Variants in TLL2 observed in about 807,000 individuals in gnomAD.
TLL2 encodes the protein tolloid like 2.
In TLL2, 106 loss-of-function variants were observed where a neutral mutation model predicts 123.0. The ratio of observed to expected loss-of-function variants is 0.86; its 90% CI spans 0.74 to 1.01. The LOEUF is 1.01. Ranked by LOEUF, TLL2 falls within the 50% of genes least tolerant of loss-of-function variation. TLL2 has a pLI of 0.00. For synonymous variants in TLL2, 494 were observed against 516.8 expected, an observed-to-expected ratio of 0.96 and a Z score of 0.60; for missense variants, 1,332 against 1,336.7, an observed-to-expected ratio of 1.00 and a Z score of 0.06.
chr10:96,372,948 C>T (rs1171566991), intron 19 of TLL2, among the ~76,000 whole-genome samples: 1 of 152,116 alleles, frequency 6.6e-6, no homozygotes, highest in East Asian at 1.9e-4. Context: ...ACTCAGCCTC[C>T]CAAAGTTCTG....
At chr10:96,392,119 T>C (rs950427993) in intron 13 of TLL2, among the ~76,000 whole-genome samples, 1 of 151,996 alleles carries the variant, frequency 6.6e-6, no homozygotes, top group Non-Finnish European at 1.5e-5. Flanking sequence ...CACCAACACA[T>C]AGACTGATGA....
At chr10:96,410,214 C>CCAT in intron 9 of TLL2, 145 bp downstream of exon 9, 1 of 628,032 alleles carries the variant, frequency 1.6e-6, no homozygotes, top group African/African-American at 1.8e-5. Context: ...AAATAATGAA[C>CCAT]GTACAGCAAA....
Position 96,432,907 on chromosome 10 carries a change from G to C in TLL2, c.420C>G (p.Ala140=). The C allele has an allele frequency of 6.2e-7, 1 of 1,614,136 alleles. No homozygotes were observed. The change falls in exon 4 of 21, where the codon GCC becomes GCG. Residue 140 remains alanine (A), a synonymous_variant. Transcript: ENST00000357947. ...LHSPGTLHAA[A]KTFSPRVRRA... is the part of the protein sequence containing the mutation. Reference sequence around the variant, plus strand: ...TTCGGACCCGGGGAGAGAAGGTCTTGGCTGCGGCATGCAAGGTCCCAGGGC... The same window carrying C: ...TTCGGACCCGGGGAGAGAAGGTCTTCGCTGCGGCATGCAAGGTCCCAGGGC...
chr10:96,488,442 AGC>A (rs775804705), intron 1 of TLL2, among the ~76,000 whole-genome samples: 44 of 152,170 alleles, frequency 2.9e-4, no homozygotes, highest in Non-Finnish European at 8.8e-5. Flanking sequence ...TTCCCACGCC[AGC>A]CCGGGCTCCC....
At chr10:96,430,812 G>A (rs541442648) in intron 4 of TLL2, among the ~76,000 whole-genome samples, 3 of 152,280 alleles carry the variant, frequency 2.0e-5, no homozygotes, top group Non-Finnish European at 4.4e-5. Context: ...AGCCTGGAAG[G>A]TTGAGGCTGC....
chr10:96,384,598 T>C lies in TLL2; in HGVS notation c.2183A>G (p.His728Arg), dbSNP rs757989117. 4 of 1,593,056 alleles carry C rather than the reference T, an allele frequency of 2.5e-6. No homozygotes were observed. Among genetic ancestry groups the C allele is most frequent in the African/African-American group, 2.7e-5 (2 of 74,400 alleles). Residue 728 changes from histidine (H) to arginine (R), a missense_variant, in exon 16 of 21, where the codon CAC (histidine) becomes CGC (arginine). Transcript: ENST00000357947. The stretch of plus-strand genomic sequence containing the variant: ...CTGAACCCGCATACCTGAGAAGAAG[T>C]GGGCCCTGAAGCCGCGCTTGGAGAC... ...NTVSKRGFRAHFFSDKDECAK... is the reference protein window; with the variant it reads ...NTVSKRGFRARFFSDKDECAK...
intron 4 of TLL2, 115 bp downstream of exon 4, chr10:96,432,692 T>G (rs933543122): frequency 7.4e-7 from 1 of 1,360,418 alleles, no homozygotes; most frequent in Non-Finnish European, 1.0e-6. Flanking sequence ...TCTGTAGGCC[T>G]GCTGTGGTCC....
chr10:96,506,002 C>T (rs578163044), intron 1 of TLL2, among the ~76,000 whole-genome samples: 1 of 152,022 alleles, frequency 6.6e-6, no homozygotes, highest in South Asian at 2.1e-4. Context: ...GCCTGTAATC[C>T]TAACACTTTG....
At chr10:96,498,063 C>T (rs1221567115) in intron 1 of TLL2, among the ~76,000 whole-genome samples, 1 of 152,230 alleles carries the variant, frequency 6.6e-6, no homozygotes. Flanking sequence ...TCTAATTTTA[C>T]ATCTTATGTG....
In TLL2 at chr10:96,396,001, CAT is replaced by C; in HGVS notation, c.1402_1403del (p.Met468GlufsTer15). The C allele has an allele frequency of 6.2e-7, 1 of 1,614,154 alleles. No homozygotes were observed. The highest frequency in any genetic ancestry group is 1.1e-5 in the South Asian group (1 of 91,066). On this transcript the variant is annotated frameshift_variant, in exon 12 of 21. Coordinates refer to ENST00000357947, the MANE Select transcript of TLL2 (RefSeq NM_012465.4). LOFTEE classifies it high-confidence loss of function. ...AAYEATCGGD[M>X]NKDAGQIQSP... ...ATTGAATCTGACCGGCATCTTTGTT[CAT>C]GTCTCCCCCGCAGGTAGCTTTAGAA...
In TLL2 at chr10:96,459,711, T is replaced by A. The variant is rs200500185; in HGVS notation, c.287-13543A>T. On this transcript the variant is annotated intron_variant, in intron 2 of 20. Transcript: ENST00000357947. ...AAAAAAAAAAAAAAAAAAAAATATA[T>A]ATATATATATATATATATATAGCAG... is the stretch of plus-strand genomic sequence containing the variant. Among the ~76,000 whole-genome samples, 283 of 61,520 alleles carry A rather than the reference T, an allele frequency of 4.6e-3. 2 individuals carry two copies. The highest frequency in any genetic ancestry group is 0.022 in the Middle Eastern group (2 of 90). The allele number at this position is 61,520 out of a possible 152,430, so 40.4% of individuals were successfully genotyped here.
At chr10:96,388,984 A>G (rs895965159) in intron 13 of TLL2, among the ~76,000 whole-genome samples, 6 of 152,232 alleles carry the variant, frequency 3.9e-5, no homozygotes, top group African/African-American at 7.2e-5. Flanking sequence ...CCTCAAATAA[A>G]TGTAAGTAAT....
intron 19 of TLL2, among the ~76,000 whole-genome samples, chr10:96,372,089 C>T (rs1302142462): frequency 2.6e-5 from 4 of 152,150 alleles, no homozygotes; most frequent in South Asian, 2.1e-4. Context: ...CACTTCCTGC[C>T]GGGACCCTGA....
In TLL2 at chr10:96,448,240, C is replaced by A. The variant is rs1194017092; in HGVS notation, c.287-2072G>T. On this transcript the variant is annotated intron_variant, in intron 2 of 20. Coordinates refer to ENST00000357947, the MANE Select transcript of TLL2 (RefSeq NM_012465.4). ...ACTCCCTGCAGCTGCCGGGTGTTCG[C>A]TGCCAGCTCCTGGCCCTCTGGGTAT... is the stretch of plus-strand genomic sequence containing the variant. 5.3e-5 allele frequency among the ~76,000 whole-genome samples: 8 copies of A among 152,244 alleles called. No homozygotes were observed. In the East Asian group the frequency reaches 1.5e-3, roughly 29 times the overall value.
intron 3 of TLL2, among the ~76,000 whole-genome samples, chr10:96,440,000 T>A (rs887788339): frequency 3.3e-5 from 5 of 152,220 alleles, no homozygotes; most frequent in African/African-American, 1.2e-4. Flanking sequence ...CCATCTTCCA[T>A]CATAGTACAA....
chr10:96,481,808 A>G, intron 1 of TLL2, among the ~76,000 whole-genome samples: 1 of 152,224 alleles, frequency 6.6e-6, no homozygotes, highest in East Asian at 1.9e-4. Flanking sequence ...AAGAATAGAG[A>G]GTCCAAAACT....
chr10:96,378,737 T>C (rs1177045494), intron 17 of TLL2, among the ~76,000 whole-genome samples: 1 of 152,140 alleles, frequency 6.6e-6, no homozygotes, highest in Non-Finnish European at 1.5e-5. Flanking sequence ...GCCTGCAGGC[T>C]TAATCACTTA....
intron 8 of TLL2, among the ~76,000 whole-genome samples, chr10:96,411,345 C>CTGT (rs1249738732): frequency 1.4e-5 from 2 of 147,626 alleles, no homozygotes; most frequent in African/African-American, 5.0e-5. Context: ...CTTATTTCAG[C>CTGT]TGTTAGTTTA....
At chr10:96,497,004 G>A (rs1847483150) in intron 1 of TLL2, among the ~76,000 whole-genome samples, 2 of 152,176 alleles carry the variant, frequency 1.3e-5, no homozygotes, top group Non-Finnish European at 1.5e-5. Context: ...AAAATGGCCG[G>A]GTGCAGTGGC....
Sources: allele counts gnomAD v4.1 joint callset (sites outside exome capture counted in the v4.1 genomes callset), GRCh38; gene constraint gnomAD v4.1.1; transcripts MANE v1.5; gene names NCBI Gene and HGNC (gene_info 2026-07-23, HGNC 2026-07-21).